The following LARGE1 variants were observed in gnomAD, a reference collection of about 807,000 sequenced individuals.
LARGE1 encodes LARGE xylosyl- and glucuronyltransferase 1.
In LARGE1, 43 loss-of-function variants were observed where a neutral mutation model predicts 87.6. The observed-to-expected ratio is 0.49, with a 90% CI of 0.38 to 0.63. The LOEUF (loss-of-function observed/expected upper bound fraction) is 0.63. Ranked by LOEUF, LARGE1 falls within the 30% of genes least tolerant of loss-of-function variation. The pLI is 0.00. For missense variants in LARGE1, 802 were observed against 1,000.2 expected (o/e 0.80, Z 2.67); for synonymous variants, 434 against 394.6 (o/e 1.10, Z -1.18).
At position 33,330,979 on chromosome 22, in the gene LARGE1, G is replaced by T. The variant is rs935437851; in HGVS notation, c.1287+6667C>A. Among the ~76,000 whole-genome samples, 4 of 152,188 alleles carry T rather than the reference G, an allele frequency of 2.6e-5. No homozygotes were observed. The South Asian group carries it at 6.2e-4, about 24-fold the overall frequency. ...CACCCTCTCACATGCTTTACAGACAGATTTCTCAGAGACTCTACAGGTTCC... is the reference window on the plus strand; with the variant it reads ...CACCCTCTCACATGCTTTACAGACATATTTCTCAGAGACTCTACAGGTTCC... On this transcript the variant is annotated intron_variant, in intron 10 of 14. Transcript: ENST00000397394.
the LARGE1 span, among the ~76,000 whole-genome samples, chr22:33,135,209 T>C: frequency 6.6e-6 from 1 of 152,154 alleles, no homozygotes; most frequent in African/African-American, 2.4e-5. Context: ...GGATGGGACT[T>C]GATGCCCCTC....
chr22:33,921,437 C>T (rs889617443), upstream of LARGE1, among the ~76,000 whole-genome samples: 1 of 152,068 alleles, frequency 6.6e-6, no homozygotes, highest in African/African-American at 2.4e-5. This position sits in a 1 kb window ranked among gnomAD's most constrained non-coding sequence, Gnocchi z 4.1. Flanking sequence ...GCTTGCAGGA[C>T]CATGCAGCCT....
the LARGE1 span, among the ~76,000 whole-genome samples, chr22:33,112,873 GTCCTCT>G: frequency 2.6e-5 from 4 of 152,178 alleles, no homozygotes; most frequent in Admixed American, 1.3e-4. Context: ...CCTAACCGTA[GTCCTCT>G]TTGTCTCTGT....
chr22:33,253,722 G>A (rs1927118733), intron 11 of LARGE1, among the ~76,000 whole-genome samples: 1 of 152,100 alleles, frequency 6.6e-6, no homozygotes, highest in African/African-American at 2.4e-5. Flanking sequence ...AGGAAGAGCA[G>A]CACCTCGTGC....
chr22:33,518,309 A>C (rs2071406351), intron 6 of LARGE1, among the ~76,000 whole-genome samples: 1 of 152,204 alleles, frequency 6.6e-6, no homozygotes, highest in Non-Finnish European at 1.5e-5. Flanking sequence ...CACGCCAGCA[A>C]ATGGCAGACA....
At chr22:33,899,990 T>C (rs1179251940) in intron 1 of LARGE1, among the ~76,000 whole-genome samples, 3 of 152,298 alleles carry the variant, frequency 2.0e-5, no homozygotes, top group African/African-American at 4.8e-5. Context: ...CCCCTAACCA[T>C]TGCAAGTTAT....
chr22:33,829,868 G>A (rs2062914651), intron 1 of LARGE1, among the ~76,000 whole-genome samples: 1 of 152,150 alleles, frequency 6.6e-6, no homozygotes. Flanking sequence ...AACCCATTCT[G>A]AGCCAAGGAG....
the LARGE1 span, among the ~76,000 whole-genome samples, chr22:33,119,978 A>G: frequency 1.3e-5 from 2 of 151,850 alleles, no homozygotes; most frequent in African/African-American, 4.8e-5. Context: ...AAATTCCAAG[A>G]TCTCAGAGAG....
In LARGE1 at chr22:33,794,733, A is replaced by C. The variant is rs375454538; in HGVS notation, c.-82-33175T>G. ...CTCCCGGGTTCAAGCAATTCTCCTG[A>C]CTCAGCCTCCCGAGTAGCTGGGATT... is the stretch of plus-strand genomic sequence containing the variant. On this transcript the variant is annotated intron_variant, in intron 1 of 14. Transcript: ENST00000397394. Among the ~76,000 whole-genome samples, 452 of 151,894 alleles carry C rather than the reference A, an allele frequency of 3.0e-3. 4 individuals carry two copies. The highest frequency in any genetic ancestry group is 0.01 in the African/African-American group (427 of 41,394).
chr22:33,170,246 G>C (rs1007187431), intron 11 of LARGE1, among the ~76,000 whole-genome samples: 1 of 152,080 alleles, frequency 6.6e-6, no homozygotes, highest in African/African-American at 2.4e-5. Flanking sequence ...GTGCACATCT[G>C]TAATCCCAGC....
intron 11 of LARGE1, among the ~76,000 whole-genome samples, chr22:33,265,455 C>T (rs1927883115): frequency 6.6e-6 from 1 of 152,028 alleles, no homozygotes; most frequent in Non-Finnish European, 1.5e-5. Flanking sequence ...TAGAGTCTCA[C>T]TTACCGTTTT....
chr22:33,469,886 C>CTTTTT (rs537465362), intron 6 of LARGE1, among the ~76,000 whole-genome samples: 2 of 117,016 alleles, frequency 1.7e-5, no homozygotes, highest in Non-Finnish European at 3.5e-5. Context: ...TATGTTTACT[C>CTTTTT]TTTTTTTTTT....
At chr22:33,577,398 C>T (rs373598735) in intron 5 of LARGE1, among the ~76,000 whole-genome samples, 1 of 152,210 alleles carries the variant, frequency 6.6e-6, no homozygotes, top group Non-Finnish European at 1.5e-5. Context: ...ACCTGCTCCC[C>T]GATCTTAGCC....
chr22:33,157,459 C>T (rs897819123), downstream of LARGE1, among the ~76,000 whole-genome samples: 4 of 152,222 alleles, frequency 2.6e-5, no homozygotes, highest in African/African-American at 9.6e-5. Flanking sequence ...GGCCCCTCCC[C>T]ACTTCCCATT....
At chr22:33,387,525 T>C (rs1322037749) in intron 7 of LARGE1, among the ~76,000 whole-genome samples, 1 of 110,470 alleles carries the variant, frequency 9.1e-6, no homozygotes, top group Non-Finnish European at 1.9e-5. Flanking sequence ...TATTAAAAAA[T>C]GGGGGGGGGG....
At chr22:33,490,780 T>C (rs998956925) in intron 6 of LARGE1, among the ~76,000 whole-genome samples, 2 of 152,210 alleles carry the variant, frequency 1.3e-5, no homozygotes, top group Admixed American at 6.5e-5. Context: ...TGGAGATGCT[T>C]TGTCTGCAAA....
intron 7 of LARGE1, among the ~76,000 whole-genome samples, chr22:33,421,123 A>C (rs958549770): frequency 2.0e-5 from 3 of 152,144 alleles, no homozygotes; most frequent in Non-Finnish European, 4.4e-5. Flanking sequence ...CAGGAGGTGG[A>C]GGTTGCAGTG....
intron 11 of LARGE1, among the ~76,000 whole-genome samples, chr22:33,262,723 C>T (rs1568994717): frequency 6.6e-6 from 1 of 152,096 alleles, no homozygotes; most frequent in Admixed American, 6.5e-5. Flanking sequence ...CAGTGGGCTC[C>T]CTCTGCAGAC....
intron 6 of LARGE1, among the ~76,000 whole-genome samples, chr22:33,514,706 G>GTA (rs993397102): frequency 1.3e-4 from 20 of 152,134 alleles, no homozygotes; most frequent in Middle Eastern, 3.4e-3. Context: ...ACAACTACGT[G>GTA]TATATATATA....
Sources: allele counts gnomAD v4.1 joint callset (sites outside exome capture counted in the v4.1 genomes callset), GRCh38; gene constraint gnomAD v4.1.1; non-coding constraint Gnocchi (gnomAD v3.1); transcripts MANE v1.5; gene names NCBI Gene and HGNC (gene_info 2026-07-23, HGNC 2026-07-21).